Variants in DTX1 observed in about 807,000 individuals in gnomAD.
DTX1 encodes E3 ubiquitin-protein ligase DTX1.
DTX1 carries 26 observed loss-of-function variants against 57.8 expected under a neutral mutation model. The ratio of observed to expected loss-of-function variants is 0.45; its 90% CI spans 0.33 to 0.62. The LOEUF is 0.62. Among genes scored for constraint, DTX1 ranks in the 20% least tolerant of loss-of-function variants. The pLI is 0.02. For missense variants in DTX1, 704 were observed against 895.3 expected (o/e 0.79, Z 2.73); for synonymous variants, 398 against 394.1 (o/e 1.01, Z -0.12).
In DTX1 at chr12:113,085,210, G is replaced by A. The variant is rs189015405; in HGVS notation, c.941+7105G>A. 1.7e-3 allele frequency among the ~76,000 whole-genome samples: 256 copies of A among 152,154 alleles called. 1 individual carries two copies. Among genetic ancestry groups the A allele is most frequent in the Non-Finnish European group, 2.7e-3 (181 of 68,004 alleles). ...GACTACAGGCGCACGCCACCAACCC[G>A]GCTAATTTTTTATATTTTTTGTAGA... On this transcript the variant is annotated intron_variant, in intron 3 of 9. Coordinates refer to ENST00000548759, the MANE Select transcript of DTX1 (RefSeq NM_004416.3).
rs757104501 is a variant in DTX1 at position 113,058,283 on chromosome 12, C to G, written c.91C>G (p.Leu31Val). 1 of 1,613,700 alleles carries G rather than the reference C, an allele frequency of 6.2e-7. No homozygotes were observed. The highest frequency in any genetic ancestry group is 2.2e-5 in the East Asian group (1 of 44,866). The stretch of plus-strand genomic sequence containing the variant: ...GGCCCGGGTGGTGGTGTGGGAGTGG[C>G]TGAATGAGCACAGCCGCTGGCGGCC... ...NVARVVVWEW[L>V]NEHSRWRPYT... The change falls in exon 2 of 10, where the codon CTG (leucine) becomes GTG (valine). Residue 31 changes from leucine (L) to valine (V), a missense_variant. Physicochemically the swap from Leu to Val is conservative, Grantham distance 32 (BLOSUM62 1). This residue lies in a region of DTX1 where 237 missense variants were observed against 328.6 expected (regional missense o/e 0.72). Coordinates refer to ENST00000548759, the MANE Select transcript of DTX1 (RefSeq NM_004416.3).
In DTX1 at chr12:113,097,256, C is replaced by A; in HGVS notation, c.*317C>A. ...ATGCACGCACACCCACGTGCCTGTA[C>A]TTGCCCCCAGGCTGGAAGAGAAGAG... On this transcript the variant is annotated 3_prime_UTR_variant, in exon 10 of 10. Transcript: ENST00000548759. The A allele has an allele frequency of 3.2e-6, 1 of 312,498 alleles. No individual in the cohort carries two copies. The highest frequency in any genetic ancestry group is 5.9e-6 in the Non-Finnish European group (1 of 168,610). The allele number at this position is 312,498 out of a possible 1,614,324, so 19.4% of individuals were successfully genotyped here. A position where few individuals can be genotyped will look rare whatever the true frequency, so the allele number is the denominator to read the frequency against.
intron 3 of DTX1, among the ~76,000 whole-genome samples, 187 bp downstream of exon 3, chr12:113,078,292 ACATCTATCTC>A (rs1040303880): frequency 2.6e-5 from 4 of 152,180 alleles, no homozygotes; most frequent in African/African-American, 9.7e-5. Context: ...ATGTTCCCAC[ACATCTATCTC>A]CATGCATAAG....
chr12:113,080,974 C>CAAAAA (rs55853221), intron 3 of DTX1, among the ~76,000 whole-genome samples: 2 of 141,570 alleles, frequency 1.4e-5, no homozygotes, highest in Non-Finnish European at 3.1e-5. Flanking sequence ...GACACTGTCT[C>CAAAAA]AAAAAAAAAA....
chr12:113,078,930 C>T (rs919467682), intron 3 of DTX1, among the ~76,000 whole-genome samples: 8 of 152,064 alleles, frequency 5.3e-5, no homozygotes, highest in African/African-American at 1.7e-4. Context: ...GCCAGGCAAA[C>T]GAGAGTCTGT....
At position 113,058,226 on chromosome 12, in the gene DTX1, G is replaced by A. The variant is rs2044642933; in HGVS notation, c.34G>A (p.Val12Met). Residue 12 changes from valine to methionine, a missense_variant, in exon 2 of 10, where the codon GTG becomes ATG. Val to Met is a conservative substitution (Grantham distance 21, BLOSUM62 1). Around this residue, in one of 3 missense-constraint regions of DTX1, gnomAD observed 237 missense variants for 328.6 expected, o/e 0.72. Coordinates refer to ENST00000548759, the MANE Select transcript of DTX1 (RefSeq NM_004416.3). ...SRPGHGGLMP[V>M]NGLGFPPQNV... ...GCCAGGCCACGGTGGGCTGATGCCT[G>A]TGAATGGTCTGGGCTTCCCACCGCA... The A allele has an allele frequency of 6.2e-7, 1 of 1,612,684 alleles. No homozygotes were observed. Among genetic ancestry groups the A allele is most frequent in the Non-Finnish European group, 8.5e-7 (1 of 1,179,688 alleles).
At chr12:113,091,048 T>C (rs766919057) in intron 3 of DTX1, among the ~76,000 whole-genome samples, 8 of 152,172 alleles carry the variant, frequency 5.3e-5, no homozygotes, top group Non-Finnish European at 8.8e-5. Flanking sequence ...GCCGGGGGCT[T>C]GTAGGGCTGA....
In DTX1 at chr12:113,094,834, GAGGGCGTGCTTCGGCACA is replaced by G; in HGVS notation, c.1283_1300del (p.Leu428_Val433del). 1 of 1,613,864 alleles carries G rather than the reference GAGGGCGTGCTTCGGCACA, an allele frequency of 6.2e-7. No individual in the cohort carries two copies. The highest frequency in any genetic ancestry group is 8.5e-7 in the Non-Finnish European group (1 of 1,179,990). On this transcript the variant is annotated inframe_deletion, in exon 7 of 10. Transcript: ENST00000548759. ...GCGACTGGTCACAGCATCAGGCTACGAGGGCGTGCTTCGGCACAAGGGCGTGCGGCCTGAGCTCGTGGG... is the reference window on the plus strand; with the variant it reads ...GCGACTGGTCACAGCATCAGGCTACGAGGGCGTGCGGCCTGAGCTCGTGGG...
intron 3 of DTX1, among the ~76,000 whole-genome samples, chr12:113,079,694 C>CTGTGTGTGTG (rs71086139): frequency 9.5e-4 from 126 of 132,422 alleles, no homozygotes; most frequent in Middle Eastern, 3.6e-3. Flanking sequence ...TTCCCGGCTA[C>CTGTGTGTGTG]TGTGTGTGTG....
At chr12:113,069,826 T>A (rs1259493758) in intron 2 of DTX1, among the ~76,000 whole-genome samples, 1 of 152,094 alleles carries the variant, frequency 6.6e-6, no homozygotes, top group Non-Finnish European at 1.5e-5. Context: ...GAGCATTCGG[T>A]AAGGTGTTGG....
At chr12:113,081,137 GT>G (rs2044814031) in intron 3 of DTX1, among the ~76,000 whole-genome samples, 2 of 152,304 alleles carry the variant, frequency 1.3e-5, no homozygotes, top group African/African-American at 4.8e-5. Context: ...GAGGCCAGGA[GT>G]TCGAGACCAG....
intron 2 of DTX1, among the ~76,000 whole-genome samples, chr12:113,068,156 TCA>T (rs1335478553): frequency 3.3e-5 from 5 of 152,238 alleles, no homozygotes; most frequent in Admixed American, 6.5e-5. Context: ...TGAGCAGCAT[TCA>T]GTTAGGTTCA....
At chr12:113,085,342 G>C (rs1384420697) in intron 3 of DTX1, among the ~76,000 whole-genome samples, 4 of 152,138 alleles carry the variant, frequency 2.6e-5, no homozygotes, top group Non-Finnish European at 4.4e-5. Context: ...GAGCCACAGT[G>C]CCCAGCCAGG....
Position 113,077,534 on chromosome 12 carries a change from G to C in DTX1, c.370G>C (p.Asp124His). 1 of 1,613,864 alleles carries C rather than the reference G, an allele frequency of 6.2e-7. No homozygotes were observed. The highest frequency in any genetic ancestry group is 1.1e-5 in the South Asian group (1 of 91,088). Residue 124 changes from aspartate to histidine, a missense_variant, in exon 3 of 10, where the codon GAC becomes CAC. By Grantham distance (81) the Asp-to-His change is moderately conservative. Transcript: ENST00000548759. This position sits in a 1 kb window ranked among gnomAD's most constrained non-coding sequence, Gnocchi z 7.8. Reference protein sequence around the residue: ...DGGAWTAYDMDICITIQNAYE... With the variant: ...DGGAWTAYDMHICITIQNAYE... ...CGGCGCATGGACGGCCTACGATATG[G>C]ACATCTGCATCACCATCCAGAACGC...
intron 9 of DTX1, 200 bp downstream of exon 9, chr12:113,095,614 AC>A: frequency 1.6e-6 from 1 of 640,376 alleles, no homozygotes; most frequent in Non-Finnish European, 2.6e-6. Flanking sequence ...CAAGATCCTG[AC>A]CCCATTTTAT....
intron 2 of DTX1, among the ~76,000 whole-genome samples, chr12:113,059,945 A>G (rs2044654522): frequency 7.5e-6 from 1 of 133,292 alleles, no homozygotes; most frequent in Admixed American, 7.4e-5. Flanking sequence ...AGAACATTGC[A>G]TTGTTGCAGA....
chr12:113,057,857 C>A lies in DTX1; in HGVS notation c.-336C>A, dbSNP rs1566011480. ...AGACAACACGGAAGAGGCTGGACCT[C>A]GAACAGGGGCGGCTGCCTCACTCCC... is the stretch of plus-strand genomic sequence containing the variant. On this transcript the variant is annotated 5_prime_UTR_variant, in exon 2 of 10. Coordinates refer to ENST00000548759, the MANE Select transcript of DTX1 (RefSeq NM_004416.3). 1 of 307,668 alleles carries A rather than the reference C, an allele frequency of 3.3e-6. No individual in the cohort carries two copies. 19.1% of individuals were successfully genotyped at this position (307,668 alleles called of 1,614,324 possible).
At position 113,093,820 on chromosome 12, in the gene DTX1, C is replaced by A; in HGVS notation, c.1165+120C>A. On this transcript the variant is annotated intron_variant, in intron 5 of 9. Transcript: ENST00000548759. This position sits in a 1 kb window ranked among gnomAD's most constrained non-coding sequence, Gnocchi z 4.2. Reference sequence around the variant, plus strand: ...TACTACCTCACCTCCATTGCCTGATCTCAGCTCCCCTTGCCCTGGCCCCAT... The same window carrying A: ...TACTACCTCACCTCCATTGCCTGATATCAGCTCCCCTTGCCCTGGCCCCAT... The A allele has an allele frequency of 6.8e-7, 1 of 1,472,112 alleles. No individual in the cohort carries two copies. Among genetic ancestry groups the A allele is most frequent in the Non-Finnish European group, 9.2e-7 (1 of 1,085,762 alleles). 91.2% of individuals were successfully genotyped at this position (1,472,112 alleles called of 1,614,324 possible).
intron 3 of DTX1, among the ~76,000 whole-genome samples, chr12:113,084,969 T>C (rs2701623): frequency 0.38 from 57,089 of 149,430 alleles, 10,790 homozygotes; most frequent in African/African-American, 0.45. Flanking sequence ...TTTTTGCATC[T>C]GTGAAATGGG....
Sources: gnomAD v4.1 joint callset for allele counts (sites outside exome capture counted in the v4.1 genomes callset) on GRCh38, gnomAD v4.1.1 for gene constraint, gnomAD v4.1.1 regional missense constraint, Gnocchi (gnomAD v3.1) non-coding constraint, MANE v1.5 for transcripts, NCBI Gene and HGNC (gene_info 2026-07-23, HGNC 2026-07-21) for gene names.